NFRKB: variants seen among roughly 807,000 people sequenced by gnomAD.
NFRKB encodes nuclear factor related to kappa-B-binding protein.
In NFRKB, 62 loss-of-function variants were observed where a neutral mutation model predicts 135.7. The ratio of observed to expected loss-of-function variants is 0.46; its 90% CI spans 0.37 to 0.56. The LOEUF (loss-of-function observed/expected upper bound fraction) is 0.56, where lower values mean the gene tolerates loss of function less well. Ranked by LOEUF, NFRKB falls within the 20% of genes least tolerant of loss-of-function variation. The pLI is 0.00. For missense variants in NFRKB, 1,545 were observed against 1,662.0 expected (o/e 0.93, Z 1.22); for synonymous variants, 678 against 635.6 (o/e 1.07, Z -1.00).
chr11:129,871,342 G>A (rs1028431209), intron 23 of NFRKB, among the ~76,000 whole-genome samples: 2 of 151,762 alleles, frequency 1.3e-5, no homozygotes, highest in Non-Finnish European at 2.9e-5. Flanking sequence ...CCACTTCCTC[G>A]CCTTCTCTTT....
At chr11:129,886,497 C>T in intron 4 of NFRKB, 53 bp from the exon 5 acceptor site, 15 of 1,525,800 alleles carry the variant, frequency 9.8e-6, no homozygotes, top group Non-Finnish European at 1.4e-5. Flanking sequence ...TATACATCAT[C>T]AGTCAACAAA....
At chr11:129,880,788 C>G (rs1038593450) in intron 13 of NFRKB, among the ~76,000 whole-genome samples, 1 of 152,160 alleles carries the variant, frequency 6.6e-6, no homozygotes, top group Non-Finnish European at 1.5e-5. Flanking sequence ...GCCTGACACC[C>G]AGAAGCTGAA....
In NFRKB at chr11:129,874,201, G is replaced by C; in HGVS notation, c.2191C>G (p.Pro731Ala). 6.6e-7 allele frequency: 1 copy of C among 1,520,342 alleles called. No individual in the cohort carries two copies. The highest frequency in any genetic ancestry group is 1.3e-5 in the South Asian group (1 of 74,302). 94.2% of individuals were successfully genotyped at this position (1,520,342 alleles called of 1,614,324 possible). ...TPVTPTTPAL[P>A]AIPISPPPVS... ...GGTGGAGGGGAGATGGGAATGGCGG[G>C]CAATGCTGGTGTGGTGGGGGTTACA... The change falls in exon 21 of 27, where the codon CCC becomes GCC. Residue 731 changes from proline (P) to alanine (A), a missense_variant. By Grantham distance (27) the Pro-to-Ala change is conservative (BLOSUM62 -1). This residue lies in a region of NFRKB where 753 missense variants were observed against 804.3 expected (regional missense o/e 0.94). Transcript: ENST00000682444. This position sits in a 1 kb window ranked among gnomAD's most constrained non-coding sequence, Gnocchi z 4.5.
intron 3 of NFRKB, among the ~76,000 whole-genome samples, chr11:129,891,832 C>A (rs1266519908): frequency 6.6e-6 from 1 of 152,090 alleles, no homozygotes; most frequent in African/African-American, 2.4e-5. Flanking sequence ...AATAAAGGAG[C>A]CTACCTTTAA....
intron 8 of NFRKB, among the ~76,000 whole-genome samples, chr11:129,883,648 C>G (rs540793482): frequency 1.3e-5 from 2 of 152,202 alleles, no homozygotes; most frequent in African/African-American, 4.8e-5. Context: ...AAAAAGGTAT[C>G]ATCTTTTCTC....
At position 129,884,171 on chromosome 11, in the gene NFRKB, C is replaced by G. The variant is rs778902468; in HGVS notation, c.743-28G>C. 2.5e-6 allele frequency: 4 copies of G among 1,602,390 alleles called. No homozygotes were observed. The South Asian group carries it at 3.3e-5, about 13-fold the overall frequency. On this transcript the variant is annotated intron_variant, in intron 7 of 26. Transcript: ENST00000682444. ...GAGAAAACAAACCAAACCATATTCA[C>G]TATCATGATTCTCCAATTTACATCT...
At chr11:129,886,270 T>A in intron 5 of NFRKB, 47 bp downstream of exon 5, 1 of 1,577,960 alleles carries the variant, frequency 6.3e-7, no homozygotes, top group African/African-American at 1.4e-5. Context: ...GAAGTCATGA[T>A]ACCTGTGACT....
intron 24 of NFRKB, among the ~76,000 whole-genome samples, chr11:129,866,859 A>C (rs966624452): frequency 2.6e-5 from 4 of 152,214 alleles, no homozygotes; most frequent in Admixed American, 2.6e-4. Context: ...AGGCAGGCTA[A>C]CACTAAGGAG....
At position 129,882,191 on chromosome 11, in the gene NFRKB, G is replaced by A. The variant is rs1461113544; in HGVS notation, c.1086C>T (p.Pro362=). The change falls in exon 11 of 27, where the codon CCC becomes CCT. Residue 362 remains proline, a synonymous_variant. Transcript: ENST00000682444. ...CAAGGCAAGGCTTGAGGTCTTCAAG[G>A]GGCCTAATGAGGGAAGAAAAATATA... The part of the protein sequence containing the change: ...PLAIPAIKEE[P]LEDLKPCLGI... The A allele has an allele frequency of 3.8e-6, 6 of 1,598,398 alleles. No individual in the cohort carries two copies. The South Asian group carries it at 5.7e-5, about 15-fold the overall frequency.
Position 129,874,980 on chromosome 11 carries a change from TCTAG to T in NFRKB, c.1855-68_1855-65del, listed in dbSNP as rs1948692704. 1.3e-6 allele frequency: 2 copies of T among 1,592,858 alleles called. No individual in the cohort carries two copies. The highest frequency in any genetic ancestry group is 3.4e-5 in the Admixed American group (2 of 58,364). On this transcript the variant is annotated intron_variant, in intron 18 of 26. Transcript: ENST00000682444. The surrounding 1 kb of genome is among the most constrained non-coding windows in gnomAD (Gnocchi z 4.5). ...CTTAGATAACAGAAGTTATTTGAACTCTAGGAAAAAAATGTCATTGTATCTAAAT... is the reference window on the plus strand; with the variant it reads ...CTTAGATAACAGAAGTTATTTGAACTGAAAAAAATGTCATTGTATCTAAAT...
chr11:129,869,546 G>T lies in NFRKB; in HGVS notation c.3479C>A (p.Pro1160His). 6.2e-7 allele frequency: 1 copy of T among 1,613,906 alleles called. No individual in the cohort carries two copies. Among genetic ancestry groups the T allele is most frequent in the South Asian group, 1.1e-5 (1 of 91,080 alleles). ...STPISISTGA[P>H]TVRQVPVSTT... is the part of the protein sequence containing the mutation. Reference sequence around the variant, plus strand: ...GCTGACAGGGACCTGCCGCACGGTGGGGGCTCCTGTGCTGATGCTGATGGG... The same window carrying T: ...GCTGACAGGGACCTGCCGCACGGTGTGGGCTCCTGTGCTGATGCTGATGGG... Residue 1160 changes from proline to histidine, a missense_variant, in exon 24 of 27, where the codon CCC (proline) becomes CAC (histidine). Transcript: ENST00000682444.
chr11:129,869,494 A>G lies in NFRKB; in HGVS notation c.3531T>C (p.Ala1177=). The G allele has an allele frequency of 6.2e-7, 1 of 1,603,212 alleles. No individual in the cohort carries two copies. Among genetic ancestry groups the G allele is most frequent in the East Asian group, 2.2e-5 (1 of 44,828 alleles). Residue 1177 remains alanine, a splice_region_variant and synonymous_variant, in exon 24 of 27, where the codon GCT becomes GCC. Transcript: ENST00000682444. Reference sequence around the variant, plus strand: ...CTAAGCTTTACCACTAGTTACTCACAGCCTGGGACGTGGACACAACCGTGG... The same window carrying G: ...CTAAGCTTTACCACTAGTTACTCACGGCCTGGGACGTGGACACAACCGTGG... ...VSTTVVSTSQ[A]GKLPTRITVP... is the part of the protein sequence containing the mutation.
At position 129,869,583 on chromosome 11, in the gene NFRKB, C is replaced by G. The variant is rs781576420; in HGVS notation, c.3442G>C (p.Ala1148Pro). The G allele has an allele frequency of 1.2e-5, 19 of 1,613,998 alleles. No individual in the cohort carries two copies. Among genetic ancestry groups the G allele is most frequent in the Admixed American group, 8.3e-5 (5 of 59,994 alleles). The change falls in exon 24 of 27, where the codon GCT becomes CCT. Residue 1148 changes from alanine (A) to proline (P), a missense_variant. By Grantham distance (27) the Ala-to-Pro change is conservative. Around this residue, in one of 3 missense-constraint regions of NFRKB, gnomAD observed 753 missense variants for 804.3 expected, o/e 0.94. Coordinates refer to ENST00000682444, the MANE Select transcript of NFRKB (RefSeq NM_001143835.2). ...CTGATGCTGATGGGGGTGCTTGCAG[C>G]CCCAGAAGCCACAGCTACAGTCTTG... The part of the protein sequence containing the change: ...VSKTVAVASG[A>P]ASTPISISTG...
At chr11:129,867,865 G>A (rs1034479927) in intron 24 of NFRKB, among the ~76,000 whole-genome samples, 1 of 152,182 alleles carries the variant, frequency 6.6e-6, no homozygotes, top group Non-Finnish European at 1.5e-5. Context: ...GTGGGGATAT[G>A]GGGATTTGGT....
In NFRKB at chr11:129,874,165, C is replaced by A. The variant is rs1243376793; in HGVS notation, c.2227G>T (p.Val743Leu). 6.6e-7 allele frequency: 1 copy of A among 1,525,186 alleles called. No homozygotes were observed. Among genetic ancestry groups the A allele is most frequent in the Non-Finnish European group, 8.8e-7 (1 of 1,137,734 alleles). The allele number at this position is 1,525,186 out of a possible 1,614,324, so 94.5% of individuals were successfully genotyped here. ...IPISPPPVSA[V>L]NKSGPSTVSE... ...ACTGTGGAAGGGCCGCTTTTGTTCACTGCCGATACAGGTGGAGGGGAGATG... is the reference window on the plus strand; with the variant it reads ...ACTGTGGAAGGGCCGCTTTTGTTCAATGCCGATACAGGTGGAGGGGAGATG... Residue 743 changes from valine to leucine, a missense_variant, in exon 21 of 27, where the codon GTG becomes TTG. By Grantham distance (32) the Val-to-Leu change is conservative. Transcript: ENST00000682444. The surrounding 1 kb of genome is among the most constrained non-coding windows in gnomAD (Gnocchi z 4.5).
At position 129,878,292 on chromosome 11, in the gene NFRKB, T is replaced by C. The variant is rs944542761; in HGVS notation, c.1511+17A>G. On this transcript the variant is annotated intron_variant, in intron 15 of 26. Coordinates refer to ENST00000682444, the MANE Select transcript of NFRKB (RefSeq NM_001143835.2). Reference sequence around the variant, plus strand: ...AGTTTCCCAGGACACCACCCACCACTACAGTATTGTACTCACACCCGAGGG... The same window carrying C: ...AGTTTCCCAGGACACCACCCACCACCACAGTATTGTACTCACACCCGAGGG... 1 of 1,613,388 alleles carries C rather than the reference T, an allele frequency of 6.2e-7. No homozygotes were observed. Among genetic ancestry groups the C allele is most frequent in the Non-Finnish European group, 8.5e-7 (1 of 1,179,642 alleles).
At chr11:129,893,857 T>C (rs1232678297) in intron 2 of NFRKB, 1 of 152,312 alleles carries the variant, frequency 6.6e-6, no homozygotes, top group Non-Finnish European at 1.5e-5. Context: ...ATGTGCTTAA[T>C]GCTACACACA....
At chr11:129,889,248 C>T (rs966727432) in intron 3 of NFRKB, among the ~76,000 whole-genome samples, 1 of 152,116 alleles carries the variant, frequency 6.6e-6, no homozygotes, top group Non-Finnish European at 1.5e-5. Flanking sequence ...AGGCATGAGC[C>T]ACCATGCCTG....
intron 23 of NFRKB, chr11:129,872,600 GA>G (rs771478661): frequency 1.9e-5 from 5 of 259,638 alleles, no homozygotes; most frequent in Non-Finnish European, 3.6e-5. Context: ...GTGGCCATGG[GA>G]ATTTCACTAA....
Sources: gnomAD v4.1 joint callset for allele counts (sites outside exome capture counted in the v4.1 genomes callset) on GRCh38, gnomAD v4.1.1 for gene constraint, gnomAD v4.1.1 regional missense constraint, Gnocchi (gnomAD v3.1) non-coding constraint, MANE v1.5 for transcripts, NCBI Gene and HGNC (gene_info 2026-07-23, HGNC 2026-07-21) for gene names.